Variants in CDK12 observed in about 807,000 individuals in gnomAD.
CDK12 encodes cyclin dependent kinase 12.
A neutral mutation model predicts 133.8 loss-of-function variants in CDK12; 17 were observed. The observed-to-expected ratio is 0.13, with a 90% CI of 0.09 to 0.19. The LOEUF (loss-of-function observed/expected upper bound fraction) is 0.19. Ranked by LOEUF, CDK12 falls within the 10% of genes least tolerant of loss-of-function variation. The probability of loss-of-function intolerance (pLI) is 1.00; values close to 1 mark genes in which losing one functional copy is unlikely to be tolerated. For synonymous variants in CDK12, 694 were observed against 683.6 expected, an observed-to-expected ratio of 1.02 and a Z score of -0.24; for missense variants, 1,508 against 1,818.7, an observed-to-expected ratio of 0.83 and a Z score of 3.11.
chr17:39,558,419 T>A (rs1232500095), intron 3 of CDK12, among the ~76,000 whole-genome samples: 1 of 152,238 alleles, frequency 6.6e-6, no homozygotes, highest in Non-Finnish European at 1.5e-5. Flanking sequence ...GCTCTTTTGA[T>A]ACCCAGAACC....
At chr17:39,549,189 A>G (rs1217751928), upstream of CDK12, 2 of 152,216 alleles carry the variant, frequency 1.3e-5, no homozygotes, top group Admixed American at 1.3e-4. Flanking sequence ...TTAGTTTTGT[A>G]TCGCTTGGGG....
Position 39,534,318 on chromosome 17 carries a change from G to T in CDK12, c.*3002G>T. 4.3e-6 allele frequency: 1 copy of T among 232,954 alleles called. No homozygotes were observed. The allele number at this position is 232,954 out of a possible 1,614,324, so 14.4% of individuals were successfully genotyped here. ...CATATATAGTTACCGTGCTAAAATG[G>T]TTACCAGCAGGTTTTGAGAGAGAAT... On this transcript the variant is annotated 3_prime_UTR_variant, in exon 14 of 14. Transcript: ENST00000447079.
At chr17:39,503,525 G>T (rs1419864216) in intron 6 of CDK12, among the ~76,000 whole-genome samples, 1 of 151,942 alleles carries the variant, frequency 6.6e-6, no homozygotes, top group Non-Finnish European at 1.5e-5. Context: ...ACTTTCTGCT[G>T]TTCCCTTTAC....
chr17:39,555,778 G>C (rs770632291), intron 2 of CDK12, among the ~76,000 whole-genome samples: 13 of 150,884 alleles, frequency 8.6e-5, no homozygotes, highest in Admixed American at 6.0e-4. Flanking sequence ...TGGATCGCTT[G>C]AGCTTAGGAG....
Position 39,533,566 on chromosome 17 carries a change from G to A in CDK12, c.*2250G>A, listed in dbSNP as rs2054989416. Reference sequence around the variant, plus strand: ...TTTCATTGTATTTTGGTTATCAGCAGTCATCAATAATGTTTTTCCCTCCCC... The same window carrying A: ...TTTCATTGTATTTTGGTTATCAGCAATCATCAATAATGTTTTTCCCTCCCC... On this transcript the variant is annotated 3_prime_UTR_variant, in exon 14 of 14. Coordinates refer to ENST00000447079, the MANE Select transcript of CDK12 (RefSeq NM_016507.4). 1 of 233,032 alleles carries A rather than the reference G, an allele frequency of 4.3e-6. No individual in the cohort carries two copies. The highest frequency in any genetic ancestry group is 5.6e-5 in the Admixed American group (1 of 17,774). The allele number at this position is 233,032 out of a possible 1,614,324, so 14.4% of individuals were successfully genotyped here.
chr17:39,534,041 A>T lies in CDK12; in HGVS notation c.*2725A>T. 1 of 232,568 alleles carries T rather than the reference A, an allele frequency of 4.3e-6. No homozygotes were observed. Among genetic ancestry groups the T allele is most frequent in the Non-Finnish European group, 8.5e-6 (1 of 117,578 alleles). The allele number at this position is 232,568 out of a possible 1,614,324, so 14.4% of individuals were successfully genotyped here. On this transcript the variant is annotated 3_prime_UTR_variant, in exon 14 of 14. Coordinates refer to ENST00000447079, the MANE Select transcript of CDK12 (RefSeq NM_016507.4). ...TTATTTTGAACAGATGAGAAATCTG[A>T]TTCTGTTCATGAGTGGGAGGCAAAA...
At chr17:39,513,296 A>C (rs935077458) in intron 8 of CDK12, among the ~76,000 whole-genome samples, 4 of 152,238 alleles carry the variant, frequency 2.6e-5, no homozygotes, top group Non-Finnish European at 5.9e-5. Context: ...CAGTGGAGCA[A>C]ATCACTTCTT....
At chr17:39,502,045 A>G (rs538842981) in intron 6 of CDK12, among the ~76,000 whole-genome samples, 1 of 151,604 alleles carries the variant, frequency 6.6e-6, no homozygotes, top group African/African-American at 2.4e-5. Context: ...GGGTTTCACT[A>G]TATTGGCCAG....
At position 39,494,595 on chromosome 17, in the gene CDK12, G is replaced by A. The variant is rs1297511599; in HGVS notation, c.2320G>A (p.Glu774Lys). 6.2e-7 allele frequency: 1 copy of A among 1,613,554 alleles called. No homozygotes were observed. Among genetic ancestry groups the A allele is most frequent in the Non-Finnish European group, 8.5e-7 (1 of 1,179,716 alleles). Reference protein sequence around the residue: ...KEGFPITAIREIKILRQLIHR... With the variant: ...KEGFPITAIRKIKILRQLIHR... ...GGGCTTCCCAATCACAGCCATTCGT[G>A]AAATCAAAATCCTTCGTCAGTTAAT... The change falls in exon 5 of 14, where the codon GAA becomes AAA. Residue 774 changes from glutamate (E) to lysine (K), a missense_variant. Physicochemically the swap from Glu to Lys is moderately conservative, Grantham distance 56 (BLOSUM62 1). Around this residue, in one of 9 missense-constraint regions of CDK12, gnomAD observed 74 missense variants for 160.2 expected, o/e 0.46. Coordinates refer to ENST00000447079, the MANE Select transcript of CDK12 (RefSeq NM_016507.4).
At position 39,462,214 on chromosome 17, in the gene CDK12, A is replaced by C. The variant is rs553421553; in HGVS notation, c.143A>C (p.Lys48Thr). The C allele has an allele frequency of 7.4e-6, 12 of 1,614,212 alleles. No individual in the cohort carries two copies. The South Asian group carries it at 1.2e-4, about 16-fold the overall frequency. The change falls in exon 1 of 14, where the codon AAA (lysine) becomes ACA (threonine). Residue 48 changes from lysine (K) to threonine (T), a missense_variant. Transcript: ENST00000447079. ...TCGAAGCACAAGCGGCATAAGTCCA[A>C]ACACTCCAAAGACATGGGGTTGGTG... ...LVSKHKRHKS[K>T]HSKDMGLVTP...
At chr17:39,538,647 C>A (rs1299985724), downstream of CDK12, among the ~76,000 whole-genome samples, 1 of 152,140 alleles carries the variant, frequency 6.6e-6, no homozygotes, top group Non-Finnish European at 1.5e-5. Context: ...GCCTGTAATC[C>A]CAGCACTTTG....
chr17:39,501,476 C>T, intron 6 of CDK12, 37 bp downstream of exon 6: 1 of 1,442,490 alleles, frequency 6.9e-7, no homozygotes, highest in East Asian at 2.3e-5. Context: ...GCACTTTCCT[C>T]TTCTCCTCTG....
intron 2 of CDK12, among the ~76,000 whole-genome samples, chr17:39,480,790 G>A (rs1314424989): frequency 6.6e-6 from 1 of 152,158 alleles, no homozygotes; most frequent in Non-Finnish European, 1.5e-5. Flanking sequence ...TCAAATGCAA[G>A]AGTGAATTCA....
intron 13 of CDK12, among the ~76,000 whole-genome samples, chr17:39,528,167 G>A (rs866484512): frequency 6.6e-6 from 1 of 151,634 alleles, no homozygotes; most frequent in Non-Finnish European, 1.5e-5. Flanking sequence ...TGATCCACCC[G>A]CCTTAGCCTC....
chr17:39,490,416 T>G, intron 2 of CDK12, 141 bp from the exon 3 acceptor site: 1 of 550,476 alleles, frequency 1.8e-6, no homozygotes, highest in Non-Finnish European at 3.2e-6. Context: ...TAATTATTTT[T>G]TTTTATGTTA....
At chr17:39,504,725 A>C (rs774606950) in intron 6 of CDK12, among the ~76,000 whole-genome samples, 68 of 151,886 alleles carry the variant, frequency 4.5e-4, no homozygotes, top group Non-Finnish European at 8.5e-4. Flanking sequence ...CTAAAAGTAC[A>C]AAAATTAGCT....
Position 39,499,461 on chromosome 17 carries a change from G to A in CDK12, c.2420-1789G>A, listed in dbSNP as rs150859352. ...TGACCTCAAGTGATCTGCCCGCCTT[G>A]GCCTCCCAAAGTGCTGGGATTACAG... On this transcript the variant is annotated intron_variant, in intron 5 of 13. Transcript: ENST00000447079. Among the ~76,000 whole-genome samples, 302 of 149,916 alleles carry A rather than the reference G, an allele frequency of 2.0e-3. 1 individual carries two copies. The highest frequency in any genetic ancestry group is 3.9e-3 in the Non-Finnish European group (267 of 67,716).
At chr17:39,559,939 T>C (rs2056315894) in intron 3 of CDK12, among the ~76,000 whole-genome samples, 1 of 151,876 alleles carries the variant, frequency 6.6e-6, no homozygotes. Context: ...TACAGGTGCC[T>C]GCCACCATGC....
intron 7 of CDK12, among the ~76,000 whole-genome samples, chr17:39,510,026 T>A (rs2053383014): frequency 6.6e-6 from 1 of 151,760 alleles, no homozygotes; most frequent in Non-Finnish European, 1.5e-5. Context: ...AGTCTTGAAC[T>A]CCTGGGCTCA....
Sources: allele counts gnomAD v4.1 joint callset (sites outside exome capture counted in the v4.1 genomes callset), GRCh38; gene constraint gnomAD v4.1.1; regional missense constraint gnomAD v4.1.1; transcripts MANE v1.5; gene names NCBI Gene and HGNC (gene_info 2026-07-23, HGNC 2026-07-21).